CFAP61: variants seen among roughly 807,000 people sequenced by gnomAD.
CFAP61 encodes the protein cilia and flagella associated protein 61.
Under a neutral mutation model 135.6 loss-of-function variants are expected in CFAP61, and 107 were observed. The ratio of observed to expected loss-of-function variants is 0.79; its 90% CI spans 0.67 to 0.93. The LOEUF (loss-of-function observed/expected upper bound fraction) is 0.93. CFAP61 is among the 40% of genes least tolerant of loss of function. The probability of loss-of-function intolerance (pLI) is 0.00; values close to 1 mark genes in which losing one functional copy is unlikely to be tolerated. For synonymous variants in CFAP61, 575 were observed against 578.5 expected (o/e 0.99, Z 0.09); for missense variants, 1,507 against 1,556.2 (o/e 0.97, Z 0.53).
At position 20,212,130 on chromosome 20, in the gene CFAP61, G is replaced by A. The variant is rs558388573; in HGVS notation, c.1932+12228G>A. On this transcript the variant is annotated intron_variant, in intron 17 of 26. Transcript: ENST00000245957. The stretch of plus-strand genomic sequence containing the variant: ...TTGGTCACCGTGTGTTGGTAGGACC[G>A]AGGCTGGCAGGCCCCTTTCAGACCA... Among the ~76,000 whole-genome samples the A allele has an allele frequency of 2.0e-5, 3 of 152,254 alleles. No individual in the cohort carries two copies. The South Asian group carries it at 6.2e-4, about 32-fold the overall frequency.
intron 6 of CFAP61, chr20:20,085,665 T>G: frequency 1.1e-5 from 5 of 458,884 alleles, no homozygotes; most frequent in Non-Finnish European, 2.0e-5. Context: ...CCATCGTATA[T>G]TTAAAAGCCT....
At chr20:20,291,195 C>T (rs912412618) in intron 24 of CFAP61, among the ~76,000 whole-genome samples, 1 of 152,072 alleles carries the variant, frequency 6.6e-6, no homozygotes, top group East Asian at 1.9e-4. Flanking sequence ...TTGACATTAG[C>T]GTTCATTCTT....
chr20:20,350,229 G>A (rs1458651368), intron 26 of CFAP61, among the ~76,000 whole-genome samples: 1 of 152,156 alleles, frequency 6.6e-6, no homozygotes, highest in Non-Finnish European at 1.5e-5. Context: ...AATTGCTGGT[G>A]GGAACATAAA....
intron 17 of CFAP61, among the ~76,000 whole-genome samples, chr20:20,217,681 G>T (rs1432838236): frequency 6.6e-6 from 1 of 152,254 alleles, no homozygotes; most frequent in Non-Finnish European, 1.5e-5. Context: ...TGGGGGAACA[G>T]AAGTTCTCAT....
intron 8 of CFAP61, among the ~76,000 whole-genome samples, chr20:20,129,803 T>A (rs2050370238): frequency 6.6e-6 from 1 of 151,580 alleles, no homozygotes; most frequent in Non-Finnish European, 1.5e-5. Flanking sequence ...TTGAGCTCAC[T>A]GATTCTTTCC....
chr20:20,099,507 T>A (rs956514805), intron 8 of CFAP61, among the ~76,000 whole-genome samples: 1 of 152,036 alleles, frequency 6.6e-6, no homozygotes, highest in Non-Finnish European at 1.5e-5. Flanking sequence ...TTACCATGGG[T>A]ACATCAATTC....
At chr20:20,210,237 G>A (rs553561862) in intron 17 of CFAP61, among the ~76,000 whole-genome samples, 23 of 152,236 alleles carry the variant, frequency 1.5e-4, no homozygotes, top group African/African-American at 5.3e-4. Flanking sequence ...CCTGGCCTTA[G>A]CCAGAGGAAG....
intron 9 of CFAP61, among the ~76,000 whole-genome samples, chr20:20,144,958 A>G (rs910377749): frequency 2.0e-5 from 3 of 152,180 alleles, no homozygotes; most frequent in African/African-American, 7.2e-5. Context: ...AAAATATGAA[A>G]TAAAGAGTTT....
rs541403677 is a variant in CFAP61, at chr20:20,209,092, C to T, written c.1932+9190C>T. 2.6e-5 allele frequency among the ~76,000 whole-genome samples: 4 copies of T among 152,156 alleles called. No individual in the cohort carries two copies. In the South Asian group the frequency reaches 8.3e-4, roughly 32 times the overall value. ...AATCGGTGCTTGCCACTGACTTTGG[C>T]ATTTTTATAAGGGGGCTCCTTTGGA... On this transcript the variant is annotated intron_variant, in intron 17 of 26. Transcript: ENST00000245957.
chr20:20,348,818 T>G (rs1476601506), intron 26 of CFAP61, among the ~76,000 whole-genome samples: 2 of 130,932 alleles, frequency 1.5e-5, no homozygotes, highest in Non-Finnish European at 1.6e-5. Flanking sequence ...AAAAACAAAC[T>G]GTCAATAGAA....
At chr20:20,085,122 A>G (rs754548487) in intron 6 of CFAP61, 90 of 985,346 alleles carry the variant, frequency 9.1e-5, no homozygotes, top group Admixed American at 1.2e-4. Flanking sequence ...TAAACTCCGC[A>G]TCTTCATCGC....
chr20:20,277,580 T>G lies in CFAP61; in HGVS notation c.2796+122T>G. On this transcript the variant is annotated intron_variant, in intron 22 of 26. Coordinates refer to ENST00000245957, the MANE Select transcript of CFAP61 (RefSeq NM_015585.4). ...GTACCAGATGTTGGATTTTGTTTTC[T>G]GTGTGTTCAGATTACCTCTTGCTGG... The G allele has an allele frequency of 5.5e-6, 6 of 1,093,890 alleles. No homozygotes were observed. The South Asian group carries it at 9.4e-5, about 17-fold the overall frequency. 67.8% of individuals were successfully genotyped at this position (1,093,890 alleles called of 1,614,324 possible). A position where few individuals can be genotyped will look rare whatever the true frequency, so the allele number is the denominator to read the frequency against.
At chr20:20,315,184 C>A (rs2122215447) in intron 25 of CFAP61, among the ~76,000 whole-genome samples, 1 of 152,006 alleles carries the variant, frequency 6.6e-6, no homozygotes, top group South Asian at 2.1e-4. Context: ...TTCTCCACAT[C>A]CTCTCCAGCA....
chr20:20,328,926 C>T (rs939967281), intron 25 of CFAP61, among the ~76,000 whole-genome samples: 46 of 152,282 alleles, frequency 3.0e-4, no homozygotes, highest in East Asian at 5.8e-4. Context: ...AGCCCAAATC[C>T]GGTCTCAAGA....
intron 6 of CFAP61, among the ~76,000 whole-genome samples, chr20:20,077,554 A>T (rs2046139344): frequency 6.6e-6 from 1 of 152,228 alleles, no homozygotes; most frequent in Admixed American, 6.5e-5. Flanking sequence ...GCTTTGACAC[A>T]GCCCCAGGAG....
At chr20:20,093,065 T>G (rs990097619) in intron 7 of CFAP61, among the ~76,000 whole-genome samples, 4 of 152,158 alleles carry the variant, frequency 2.6e-5, no homozygotes, top group Non-Finnish European at 5.9e-5. Flanking sequence ...ACAGCCCAAA[T>G]GTCTATCTAC....
intron 25 of CFAP61, among the ~76,000 whole-genome samples, chr20:20,304,767 G>A (rs552437070): frequency 4.5e-4 from 69 of 152,156 alleles, no homozygotes; most frequent in Non-Finnish European, 8.5e-4. Flanking sequence ...GGGAGCTGTG[G>A]GTGGAGAGGA....
intron 25 of CFAP61, among the ~76,000 whole-genome samples, chr20:20,339,916 A>G (rs2122362849): frequency 6.6e-6 from 1 of 152,370 alleles, no homozygotes; most frequent in East Asian, 1.9e-4. Flanking sequence ...AGTTTGAATG[A>G]CGAAAGCTGC....
chr20:20,340,328 C>T (rs370833198), intron 25 of CFAP61, among the ~76,000 whole-genome samples: 1 of 152,110 alleles, frequency 6.6e-6, no homozygotes, highest in South Asian at 2.1e-4. Context: ...TCAAGTTCCT[C>T]CAAAGTTAAT....
Sources: allele counts gnomAD v4.1 joint callset (sites outside exome capture counted in the v4.1 genomes callset), GRCh38; gene constraint gnomAD v4.1.1; transcripts MANE v1.5; gene names NCBI Gene and HGNC (gene_info 2026-07-23, HGNC 2026-07-21).